Variants in SCAPER observed in about 807,000 individuals in gnomAD.
SCAPER encodes the protein S phase cyclin A-associated protein in the endoplasmic reticulum.
In SCAPER, 98 loss-of-function variants were observed where a neutral mutation model predicts 182.2. The observed-to-expected ratio is 0.54, with a 90% confidence interval of 0.46 to 0.64. SCAPER has a LOEUF of 0.64. SCAPER is among the 30% of genes least tolerant of loss of function. The pLI, the probability that SCAPER is intolerant of heterozygous loss-of-function variation, is 0.00. For synonymous variants in SCAPER, 605 were observed against 564.6 expected (o/e 1.07, Z -1.01); for missense variants, 1,432 against 1,690.0 (o/e 0.85, Z 2.68).
Position 76,656,377 on chromosome 15 carries a change from C to G in SCAPER, c.2645+9276G>C, listed in dbSNP as rs188321413. On this transcript the variant is annotated intron_variant, in intron 21 of 31. Coordinates refer to ENST00000563290, the MANE Select transcript of SCAPER (RefSeq NM_020843.4). ...ATACTAAACATGTATGCACCAAACA[C>G]AGGAGCACATAGATTCATAAAACAA... is the stretch of plus-strand genomic sequence containing the variant. Among the ~76,000 whole-genome samples the G allele has an allele frequency of 7.2e-5, 11 of 152,274 alleles. No individual in the cohort carries two copies. The East Asian group carries it at 2.1e-3, about 29-fold the overall frequency.
chr15:76,530,463 C>A (rs1008142721), intron 23 of SCAPER, among the ~76,000 whole-genome samples: 6 of 152,184 alleles, frequency 3.9e-5, no homozygotes, highest in Non-Finnish European at 5.9e-5. Flanking sequence ...CCTAAATTAT[C>A]TAAATGTGGT....
chr15:76,672,482 T>C (rs897208695), intron 20 of SCAPER, among the ~76,000 whole-genome samples: 1 of 151,978 alleles, frequency 6.6e-6, no homozygotes, highest in Non-Finnish European at 1.5e-5. Context: ...ATATAAGGCA[T>C]GAGAGAACAA....
At chr15:76,679,426 T>G (rs1052882325) in intron 20 of SCAPER, among the ~76,000 whole-genome samples, 3 of 152,244 alleles carry the variant, frequency 2.0e-5, no homozygotes. Flanking sequence ...TTATCATTTA[T>G]GCATCATTTA....
intron 25 of SCAPER, among the ~76,000 whole-genome samples, chr15:76,456,737 T>TAAA (rs2048764829): frequency 6.6e-6 from 1 of 152,224 alleles, no homozygotes; most frequent in Non-Finnish European, 1.5e-5. Flanking sequence ...CATATGGAAA[T>TAAA]TGTTTCTTTC....
intron 23 of SCAPER, among the ~76,000 whole-genome samples, chr15:76,561,304 AC>A (rs1454907167): frequency 6.6e-6 from 1 of 152,196 alleles, no homozygotes; most frequent in East Asian, 1.9e-4. Context: ...TAATGGTCCT[AC>A]TTCTGGTTCT....
Position 76,611,639 on chromosome 15 carries a change from G to A in SCAPER, c.2711+10125C>T, listed in dbSNP as rs74462599. On this transcript the variant is annotated intron_variant, in intron 22 of 31. Transcript: ENST00000563290. Reference sequence around the variant, plus strand: ...ATACAACAAAAAAAGAAAGCTTCAGGCAAACATCCATGATGAACACTGATG... The same window carrying A: ...ATACAACAAAAAAAGAAAGCTTCAGACAAACATCCATGATGAACACTGATG... Among the ~76,000 whole-genome samples, 369 of 151,938 alleles carry A rather than the reference G, an allele frequency of 2.4e-3. 2 individuals carry two copies. Among genetic ancestry groups the A allele is most frequent in the African/African-American group, 8.5e-3 (351 of 41,482 alleles).
chr15:76,686,738 A>G (rs2058056967), intron 20 of SCAPER, among the ~76,000 whole-genome samples: 1 of 152,172 alleles, frequency 6.6e-6, no homozygotes, highest in Admixed American at 6.5e-5. Context: ...AGCTCTTCAT[A>G]GTAATTGGAT....
chr15:76,670,386 C>G (rs1159396757), intron 20 of SCAPER, among the ~76,000 whole-genome samples: 1 of 152,032 alleles, frequency 6.6e-6, no homozygotes, highest in African/African-American at 2.4e-5. Flanking sequence ...CAGATGTAAG[C>G]TATTCCATTT....
intron 16 of SCAPER, among the ~76,000 whole-genome samples, chr15:76,729,672 C>T (rs1040419873): frequency 1.3e-5 from 2 of 152,022 alleles, no homozygotes; most frequent in Non-Finnish European, 2.9e-5. Flanking sequence ...CTGTGCCTTA[C>T]TTTTCTAGAA....
intron 20 of SCAPER, among the ~76,000 whole-genome samples, chr15:76,689,235 A>G (rs1031161657): frequency 6.6e-6 from 1 of 152,210 alleles, no homozygotes; most frequent in African/African-American, 2.4e-5. Flanking sequence ...AACATGTCTT[A>G]AAACAAGAAC....
chr15:76,470,410 G>A (rs1236699355), intron 25 of SCAPER, among the ~76,000 whole-genome samples: 1 of 152,126 alleles, frequency 6.6e-6, no homozygotes, highest in Non-Finnish European at 1.5e-5. Context: ...GTAACATTAA[G>A]CCTTGGTAAA....
At chr15:76,801,404 C>T (rs2065779022) in intron 6 of SCAPER, among the ~76,000 whole-genome samples, 1 of 152,086 alleles carries the variant, frequency 6.6e-6, no homozygotes, top group South Asian at 2.1e-4. Flanking sequence ...TCCTCACACG[C>T]AAAACAAATA....
chr15:76,466,359 C>T (rs1596797138), intron 25 of SCAPER, among the ~76,000 whole-genome samples: 1 of 145,174 alleles, frequency 6.9e-6, no homozygotes, highest in African/African-American at 2.5e-5. Flanking sequence ...TGTTGAACCC[C>T]TATTGTGAAT....
intron 21 of SCAPER, among the ~76,000 whole-genome samples, chr15:76,638,553 G>A (rs926552810): frequency 6.6e-6 from 1 of 152,170 alleles, no homozygotes; most frequent in Non-Finnish European, 1.5e-5. Context: ...ACTCTGTTAA[G>A]AGGTTTTTCT....
At chr15:76,590,015 C>A (rs2048987142) in intron 22 of SCAPER, among the ~76,000 whole-genome samples, 1 of 152,220 alleles carries the variant, frequency 6.6e-6, no homozygotes. Flanking sequence ...AATTTGGGCA[C>A]TCACAGTATT....
chr15:76,883,213 G>A (rs1268604228), intron 2 of SCAPER, among the ~76,000 whole-genome samples: 2 of 152,124 alleles, frequency 1.3e-5, no homozygotes, highest in Non-Finnish European at 2.9e-5. Flanking sequence ...GATTAAGGTT[G>A]GTCACCCCAA....
intron 15 of SCAPER, among the ~76,000 whole-genome samples, chr15:76,746,809 A>G (rs2061816091): frequency 6.6e-6 from 1 of 152,250 alleles, no homozygotes; most frequent in South Asian, 2.1e-4. Context: ...AAATTTAAAC[A>G]AAGCAGTGAA....
intron 29 of SCAPER, among the ~76,000 whole-genome samples, chr15:76,364,305 C>T (rs537104390): frequency 2.6e-5 from 4 of 151,882 alleles, no homozygotes; most frequent in South Asian, 4.2e-4. Flanking sequence ...CCCGGTGGTC[C>T]CAGGGATCCA....
chr15:76,766,685 T>C (rs1016168504), intron 11 of SCAPER, among the ~76,000 whole-genome samples: 1 of 152,188 alleles, frequency 6.6e-6, no homozygotes, highest in African/African-American at 2.4e-5. Flanking sequence ...ACTTCTAACT[T>C]GTCAACTGTA....
Sources: allele counts gnomAD v4.1 joint callset (sites outside exome capture counted in the v4.1 genomes callset), GRCh38; gene constraint gnomAD v4.1.1; transcripts MANE v1.5; gene names NCBI Gene and HGNC (gene_info 2026-07-23, HGNC 2026-07-21).